Variants in PLCG2 observed in about 807,000 individuals in gnomAD.
PLCG2 encodes the protein 1-phosphatidylinositol 4,5-bisphosphate phosphodiesterase gamma-2.
Under a neutral mutation model 175.6 loss-of-function variants are expected in PLCG2, and 69 were observed. That is an observed-to-expected ratio of 0.39 (90% CI 0.32 to 0.48). The LOEUF (loss-of-function observed/expected upper bound fraction) is 0.48, where lower values mean the gene tolerates loss of function less well. Among genes scored for constraint, PLCG2 ranks in the 20% least tolerant of loss-of-function variants. PLCG2 has a pLI of 0.91. For missense variants in PLCG2, 1,798 were observed against 1,650.9 expected, an observed-to-expected ratio of 1.09 and a Z score of -1.54; for synonymous variants, 827 against 624.0, an observed-to-expected ratio of 1.33 and a Z score of -4.85.
chr16:81,922,460 C>T (rs1240386385), intron 21 of PLCG2, among the ~76,000 whole-genome samples: 1 of 152,218 alleles, frequency 6.6e-6, no homozygotes, highest in Non-Finnish European at 1.5e-5. Context: ...ATAGTTAGCA[C>T]TTAAGAAGTG....
At chr16:81,874,588 G>A (rs190034917) in intron 7 of PLCG2, among the ~76,000 whole-genome samples, 2 of 152,116 alleles carry the variant, frequency 1.3e-5, no homozygotes, top group African/African-American at 4.8e-5. Flanking sequence ...TTGTGATTTG[G>A]GGGGAATGAG....
At chr16:81,800,822 G>C (rs142515900) in intron 2 of PLCG2, among the ~76,000 whole-genome samples, 40 of 152,228 alleles carry the variant, frequency 2.6e-4, no homozygotes, top group African/African-American at 8.9e-4. Flanking sequence ...AACAGATCTT[G>C]AGATGGGGAG....
rs1345879475 is a variant in PLCG2, at chr16:81,927,191, C to G, written c.2514+13C>G. On this transcript the variant is annotated intron_variant, in intron 23 of 32. Transcript: ENST00000564138. ...GCTAGAAAAGCAGGTGAGTCCCCCTCTTCGATCCTCTTACAGGAAGAAGGG... is the reference window on the plus strand; with the variant it reads ...GCTAGAAAAGCAGGTGAGTCCCCCTGTTCGATCCTCTTACAGGAAGAAGGG... 2 of 1,554,764 alleles carry G rather than the reference C, an allele frequency of 1.3e-6. No individual in the cohort carries two copies.
rs148718212 is a variant in PLCG2, at chr16:81,925,819, G to A, written c.2418-1263G>A. Among the ~76,000 whole-genome samples the A allele has an allele frequency of 7.2e-3, 1,091 of 151,886 alleles. 13 individuals carry two copies. The highest frequency in any genetic ancestry group is 0.025 in the African/African-American group (1,035 of 41,372). ...GGAGAATTGCTTGAACCTGGGAGGC[G>A]AAGGTTGCAGTGAGCTGAGATCGTG... On this transcript the variant is annotated intron_variant, in intron 22 of 32. Transcript: ENST00000564138.
chr16:81,874,948 GTTTTTTTTTTTTT>G (rs770994063), intron 7 of PLCG2, among the ~76,000 whole-genome samples: 3 of 40,770 alleles, frequency 7.4e-5, no homozygotes, highest in Admixed American at 3.2e-4. Flanking sequence ...TATCCTATGT[GTTTTTTTTTTTTT>G]TTTTTTTTTT....
intron 2 of PLCG2, chr16:81,798,926 C>G (rs958531233): frequency 1.2e-4 from 18 of 152,528 alleles, no homozygotes; most frequent in African/African-American, 4.3e-4. Context: ...ACCAGCCACT[C>G]CAGGATGTCC....
chr16:81,761,828 CA>C (rs1482656358), intron 2 of PLCG2, among the ~76,000 whole-genome samples: 5 of 144,774 alleles, frequency 3.5e-5, no homozygotes, highest in African/African-American at 1.3e-4. Context: ...TCACCCTGCA[CA>C]TTTTTTTTTT....
intron 1 of PLCG2, among the ~76,000 whole-genome samples, chr16:81,780,202 C>T (rs772556931): frequency 3.3e-5 from 5 of 152,052 alleles, no homozygotes; most frequent in Non-Finnish European, 5.9e-5. Flanking sequence ...TGGCCTTGCC[C>T]GTCGGAACTT....
intron 2 of PLCG2, among the ~76,000 whole-genome samples, chr16:81,793,679 A>G (rs1911339363): frequency 6.6e-6 from 1 of 152,214 alleles, no homozygotes; most frequent in Non-Finnish European, 1.5e-5. Flanking sequence ...CTTAATAATG[A>G]TAATAGTGAT....
intron 9 of PLCG2, among the ~76,000 whole-genome samples, chr16:81,887,453 T>C (rs1235428169): frequency 6.6e-6 from 1 of 152,182 alleles, no homozygotes; most frequent in African/African-American, 2.4e-5. Flanking sequence ...AATTTGGGTT[T>C]CATGTTCTAG....
chr16:81,804,800 C>T (rs1038103953), intron 2 of PLCG2, among the ~76,000 whole-genome samples: 3 of 152,160 alleles, frequency 2.0e-5, no homozygotes, highest in Non-Finnish European at 4.4e-5. Context: ...CTAAGAGGAA[C>T]CTGGAGAAAT....
intron 2 of PLCG2, among the ~76,000 whole-genome samples, chr16:81,764,054 A>C (rs1376095533): frequency 1.1e-4 from 17 of 152,054 alleles, no homozygotes; most frequent in Admixed American, 1.1e-3. Context: ...GCACTTTGGG[A>C]GGCTGAGGCA....
chr16:81,744,432 G>A (rs944824450), intron 1 of PLCG2, among the ~76,000 whole-genome samples: 1 of 152,020 alleles, frequency 6.6e-6, no homozygotes, highest in African/African-American at 2.4e-5. Context: ...CAAAGTGTTG[G>A]GATTACAGGC....
intron 5 of PLCG2, among the ~76,000 whole-genome samples, chr16:81,860,409 C>T (rs1208864558): frequency 6.6e-6 from 1 of 151,888 alleles, no homozygotes; most frequent in Non-Finnish European, 1.5e-5. Flanking sequence ...GGGGTAAATT[C>T]TCAGAAACGA....
intron 13 of PLCG2, among the ~76,000 whole-genome samples, chr16:81,896,391 C>G (rs1461475234): frequency 1.4e-5 from 2 of 142,062 alleles, no homozygotes; most frequent in Non-Finnish European, 3.2e-5. Flanking sequence ...CACACACACA[C>G]ACACACACAC....
rs114931947 is a variant in PLCG2, at chr16:81,756,701, A to G, written c.-48+735A>G. Among the ~76,000 whole-genome samples, 306 of 152,300 alleles carry G rather than the reference A, an allele frequency of 2.0e-3. 2 individuals carry two copies. Among genetic ancestry groups the G allele is most frequent in the African/African-American group, 7.0e-3 (289 of 41,566 alleles). ...GCGTGGACTTCGTGAGGCGGGTGTTATTGGCACTGTTTTACAGATAAGGAG... is the reference window on the plus strand; with the variant it reads ...GCGTGGACTTCGTGAGGCGGGTGTTGTTGGCACTGTTTTACAGATAAGGAG... On this transcript the variant is annotated intron_variant, in intron 2 of 5. Transcript: ENST00000565054.
At chr16:81,943,552 C>G (rs775592283) in intron 30 of PLCG2, among the ~76,000 whole-genome samples, 2 of 152,274 alleles carry the variant, frequency 1.3e-5, no homozygotes. Flanking sequence ...GGACACAGAG[C>G]CAAACCATAA....
chr16:81,936,932 T>A (rs1246470618), intron 27 of PLCG2, among the ~76,000 whole-genome samples: 1 of 152,038 alleles, frequency 6.6e-6, no homozygotes, highest in Admixed American at 6.5e-5. Flanking sequence ...ATTTAATAAG[T>A]CCCCGTGGAG....
At chr16:81,942,059 C>T (rs545100711) in intron 30 of PLCG2, among the ~76,000 whole-genome samples, 24 of 152,150 alleles carry the variant, frequency 1.6e-4, no homozygotes, top group Non-Finnish European at 2.4e-4. Flanking sequence ...TACACCTTTA[C>T]GTTCCTAGCC....
Sources: allele counts gnomAD v4.1 joint callset (sites outside exome capture counted in the v4.1 genomes callset), GRCh38; gene constraint gnomAD v4.1.1; transcripts MANE v1.5; gene names NCBI Gene and HGNC (gene_info 2026-07-23, HGNC 2026-07-21).